Variants in SLC4A4 observed in about 807,000 individuals in gnomAD.
SLC4A4 encodes the protein solute carrier family 4 member 4, also known as electrogenic sodium bicarbonate cotransporter 1.
In SLC4A4, 27 loss-of-function variants were observed where a neutral mutation model predicts 111.5. The observed-to-expected ratio is 0.24, with a 90% CI of 0.18 to 0.33. The LOEUF (loss-of-function observed/expected upper bound fraction) is 0.33, where lower values mean the gene tolerates loss of function less well. Ranked by LOEUF, SLC4A4 falls within the 10% of genes least tolerant of loss-of-function variation. The pLI, the probability that SLC4A4 is intolerant of heterozygous loss-of-function variation, is 1.00. For missense variants in SLC4A4, 909 were observed against 1,315.5 expected (o/e 0.69, Z 4.78); for synonymous variants, 443 against 463.4 (o/e 0.96, Z 0.57).
intron 3 of SLC4A4, among the ~76,000 whole-genome samples, chr4:71,307,841 T>C (rs1047429275): frequency 6.6e-5 from 10 of 152,130 alleles, no homozygotes; most frequent in South Asian, 2.1e-4. Context: ...AGTGTCAAGA[T>C]GCAAAGAGCA....
chr4:71,384,605 A>G (rs1718487888), intron 6 of SLC4A4, among the ~76,000 whole-genome samples: 1 of 150,450 alleles, frequency 6.6e-6, no homozygotes, highest in South Asian at 2.1e-4. Context: ...CATTGCACTC[A>G]AGCCTGGGCG....
chr4:71,323,480 A>C (rs1727274684), intron 3 of SLC4A4, among the ~76,000 whole-genome samples: 1 of 152,052 alleles, frequency 6.6e-6, no homozygotes, highest in African/African-American at 2.4e-5. Context: ...ACAAAAGGCT[A>C]CAAGAAGCTA....
At chr4:71,559,997 A>T (rs558828757) in intron 22 of SLC4A4, 96 bp from the exon 23 acceptor site, 5 of 922,090 alleles carry the variant, frequency 5.4e-6, no homozygotes, top group Non-Finnish European at 1.8e-6. Context: ...CCTTACACAA[A>T]GTAGGTTTCT....
chr4:71,219,124 G>C (rs1440540025), intron 1 of SLC4A4, among the ~76,000 whole-genome samples: 1 of 152,162 alleles, frequency 6.6e-6, no homozygotes, highest in Admixed American at 6.5e-5. Context: ...CTCACTTTAA[G>C]TTAAAAGCTA....
At chr4:71,467,183 G>C (rs1458287110) in intron 13 of SLC4A4, among the ~76,000 whole-genome samples, 5 of 152,000 alleles carry the variant, frequency 3.3e-5, no homozygotes, top group African/African-American at 1.2e-4. Flanking sequence ...GATGGTCCCT[G>C]AGTGCCTTGC....
intron 2 of SLC4A4, among the ~76,000 whole-genome samples, chr4:71,249,907 T>C (rs1720942247): frequency 6.6e-6 from 1 of 151,810 alleles, no homozygotes; most frequent in Admixed American, 6.6e-5. Context: ...ATCACTTGTA[T>C]ATTATTAAAG....
chr4:71,524,447 A>G (rs1053575600), intron 16 of SLC4A4, among the ~76,000 whole-genome samples: 1 of 152,064 alleles, frequency 6.6e-6, no homozygotes, highest in Non-Finnish European at 1.5e-5. Context: ...GTAGACTTCC[A>G]TTGTCAAGCT....
At chr4:71,208,995 C>T (rs1319469849) in intron 1 of SLC4A4, among the ~76,000 whole-genome samples, 4 of 152,162 alleles carry the variant, frequency 2.6e-5, no homozygotes, top group South Asian at 2.1e-4. Context: ...AATTTGGTTA[C>T]GCTAGAAACC....
rs201373586 is a variant in SLC4A4 at position 71,329,333 on chromosome 4, A to AT, written c.254-10028dup. Among the ~76,000 whole-genome samples, 851 of 151,150 alleles carry AT rather than the reference A, an allele frequency of 5.6e-3. 10 individuals carry two copies. The highest frequency in any genetic ancestry group is 0.018 in the African/African-American group (722 of 41,248). On this transcript the variant is annotated intron_variant, in intron 3 of 25. Transcript: ENST00000264485. ...TTTGTGGTTCCATATAGATTGTAGGATTTTTTTTTCTATTTCTGTGAAGAA... is the reference window on the plus strand; with the variant it reads ...TTTGTGGTTCCATATAGATTGTAGGATTTTTTTTTTCTATTTCTGTGAAGAA...
intron 16 of SLC4A4, among the ~76,000 whole-genome samples, chr4:71,508,889 G>A (rs1042803431): frequency 7.2e-5 from 11 of 151,970 alleles, no homozygotes; most frequent in African/African-American, 2.4e-4. Flanking sequence ...CCAGCAGCAC[G>A]TCCAGCTTAT....
chr4:71,064,824 C>T (rs1299046640), intron 1 of SLC4A4, among the ~76,000 whole-genome samples: 1 of 152,196 alleles, frequency 6.6e-6, no homozygotes, highest in African/African-American at 2.4e-5. Context: ...GTGCCACTTG[C>T]TAGCTATCTA....
intron 7 of SLC4A4, among the ~76,000 whole-genome samples, chr4:71,433,211 AAGTC>A (rs1723805011): frequency 6.6e-6 from 1 of 151,412 alleles, no homozygotes; most frequent in South Asian, 2.1e-4. Flanking sequence ...CTGCAAAAAT[AAGTC>A]CTCAGAAACC....
chr4:71,093,853 A>G (rs1742460414), intron 2 of SLC4A4, among the ~76,000 whole-genome samples: 1 of 152,238 alleles, frequency 6.6e-6, no homozygotes, highest in Non-Finnish European at 1.5e-5. Flanking sequence ...ATCTTCAAAT[A>G]GAAACAAACT....
At chr4:71,268,075 G>GTTTTTTTTTTTT (rs10657146) in intron 3 of SLC4A4, among the ~76,000 whole-genome samples, 4 of 87,590 alleles carry the variant, frequency 4.6e-5, no homozygotes, top group Admixed American at 1.8e-4. Flanking sequence ...ATAAAGTAGT[G>GTTTTTTTTTTTT]TTTTTTTTTT....
intron 1 of SLC4A4, among the ~76,000 whole-genome samples, chr4:71,225,162 G>A (rs1718969849): frequency 6.6e-6 from 1 of 152,044 alleles, no homozygotes; most frequent in Non-Finnish European, 1.5e-5. Context: ...GACCAGCCTG[G>A]CCAACATGGT....
intron 2 of SLC4A4, among the ~76,000 whole-genome samples, chr4:71,249,849 A>C (rs1405144154): frequency 6.6e-6 from 1 of 151,152 alleles, no homozygotes; most frequent in African/African-American, 2.4e-5. Context: ...GTGCTACTGC[A>C]CTCCAGCCTG....
At chr4:71,324,002 C>A (rs1727314801) in intron 3 of SLC4A4, among the ~76,000 whole-genome samples, 8 of 151,756 alleles carry the variant, frequency 5.3e-5, no homozygotes, top group Admixed American at 5.3e-4. Flanking sequence ...TGTTTTTTTG[C>A]AGATAGAGGG....
intron 1 of SLC4A4, among the ~76,000 whole-genome samples, chr4:71,091,951 G>A (rs904704771): frequency 5.9e-5 from 9 of 151,912 alleles, no homozygotes; most frequent in African/African-American, 1.2e-4. Flanking sequence ...ATTGCCTTAC[G>A]GAGTAGTAAC....
Position 71,567,080 on chromosome 4 carries a change from C to T in SLC4A4, c.*33C>T, listed in dbSNP as rs2149261077. 6.2e-7 allele frequency: 1 copy of T among 1,607,488 alleles called. No individual in the cohort carries two copies. Among genetic ancestry groups the T allele is most frequent in the South Asian group, 1.1e-5 (1 of 90,554 alleles). On this transcript the variant is annotated 3_prime_UTR_variant, in exon 25 of 26. Coordinates refer to ENST00000264485, the MANE Select transcript of SLC4A4 (RefSeq NM_001098484.3). Reference sequence around the variant, plus strand: ...CCTTTCCTTCAGTCACTCGGTATGCCAAGGTAAAGGAGAGCCCAGTATTTT... The same window carrying T: ...CCTTTCCTTCAGTCACTCGGTATGCTAAGGTAAAGGAGAGCCCAGTATTTT...
Sources: gnomAD v4.1 joint callset for allele counts (sites outside exome capture counted in the v4.1 genomes callset) on GRCh38, gnomAD v4.1.1 for gene constraint, MANE v1.5 for transcripts, NCBI Gene and HGNC (gene_info 2026-07-23, HGNC 2026-07-21) for gene names.